The following RAF1 variants were observed in gnomAD, a reference collection of about 807,000 sequenced individuals.
RAF1 encodes the protein RAF proto-oncogene serine/threonine-protein kinase.
RAF1 carries 27 observed loss-of-function variants against 81.1 expected under a neutral mutation model. The observed-to-expected ratio is 0.33, with a 90% confidence interval of 0.25 to 0.46. RAF1 has a LOEUF of 0.46. Among genes scored for constraint, RAF1 ranks in the 20% least tolerant of loss-of-function variants. RAF1 has a pLI of 1.00. For synonymous variants in RAF1, 298 were observed against 294.0 expected, an observed-to-expected ratio of 1.01 and a Z score of -0.14; for missense variants, 598 against 826.0, an observed-to-expected ratio of 0.72 and a Z score of 3.38.
intron 6 of RAF1, 73 bp from the exon 7 acceptor site, chr3:12,604,362 TGA>T (rs2058961611): frequency 6.6e-7 from 1 of 1,514,828 alleles, no homozygotes. Context: ...AGTACATATT[TGA>T]CTAAGTAAGA....
rs543294665 is a variant in RAF1, at chr3:12,612,939, T to C, written c.208-877A>G. Among the ~76,000 whole-genome samples the C allele has an allele frequency of 2.6e-5, 4 of 152,306 alleles. No homozygotes were observed. The South Asian group carries it at 8.3e-4, about 32-fold the overall frequency. On this transcript the variant is annotated intron_variant, in intron 2 of 17. Coordinates refer to ENST00000442415, the MANE Select transcript of RAF1 (RefSeq NM_001354689.3). ...AACCTCTTTCAACAAAAATGACTGA[T>C]GATTCTAACAAAAATTCCATCTCAC...
chr3:12,641,449 T>C (rs919483153), intron 1 of RAF1, among the ~76,000 whole-genome samples: 14 of 150,198 alleles, frequency 9.3e-5, no homozygotes, highest in East Asian at 1.9e-4. Context: ...AATTTCCAAA[T>C]ATTTGGTGGA....
chr3:12,634,542 C>G (rs766927488), intron 1 of RAF1, among the ~76,000 whole-genome samples: 6 of 152,178 alleles, frequency 3.9e-5, no homozygotes, highest in Admixed American at 2.6e-4. Flanking sequence ...AGGAAAGAAG[C>G]GAAGGAAATC....
intron 1 of RAF1, among the ~76,000 whole-genome samples, chr3:12,657,166 T>G (rs2060722085): frequency 6.6e-6 from 1 of 152,124 alleles, no homozygotes; most frequent in Admixed American, 6.6e-5. Context: ...AAACATACTA[T>G]TACTATGAGA....
chr3:12,617,878 C>CAAAAAAAA (rs1263362287), intron 2 of RAF1, among the ~76,000 whole-genome samples: 8 of 90,006 alleles, frequency 8.9e-5, no homozygotes, highest in Admixed American at 1.3e-4. Context: ...GAATCCGTCT[C>CAAAAAAAA]AAAAAAAAAA....
intron 6 of RAF1, among the ~76,000 whole-genome samples, chr3:12,605,785 TAA>T (rs756400756): frequency 6.6e-5 from 10 of 152,254 alleles, no homozygotes; most frequent in Non-Finnish European, 1.2e-4. Context: ...CTAGTCTATT[TAA>T]ATACATGGTT....
chr3:12,657,673 A>G (rs1283529072), intron 1 of RAF1, among the ~76,000 whole-genome samples: 1 of 152,048 alleles, frequency 6.6e-6, no homozygotes, highest in African/African-American at 2.4e-5. Context: ...CAGGAGGCTG[A>G]GGCAGGAGAA....
chr3:12,631,507 G>A lies in RAF1; in HGVS notation c.-26-12760C>T, dbSNP rs577408605. On this transcript the variant is annotated intron_variant, in intron 1 of 17. Transcript: ENST00000442415. ...CCAGCTTCTCGGAAGGCTGAAGCAGGAGAATGGCATGAACCCGGGAGGCGG... is the reference window on the plus strand; with the variant it reads ...CCAGCTTCTCGGAAGGCTGAAGCAGAAGAATGGCATGAACCCGGGAGGCGG... 9.2e-5 allele frequency among the ~76,000 whole-genome samples: 14 copies of A among 152,308 alleles called. No individual in the cohort carries two copies. The South Asian group carries it at 2.9e-3, about 32-fold the overall frequency.
At chr3:12,592,532 T>C (rs2058549203) in intron 11 of RAF1, among the ~76,000 whole-genome samples, 1 of 152,150 alleles carries the variant, frequency 6.6e-6, no homozygotes. Context: ...CTGAGAAGTT[T>C]AGTCACTTGC....
At chr3:12,658,908 C>G (rs1350406496) in intron 1 of RAF1, among the ~76,000 whole-genome samples, 1 of 152,082 alleles carries the variant, frequency 6.6e-6, no homozygotes, top group Non-Finnish European at 1.5e-5. Context: ...GAAACAACAC[C>G]CACTTGACAT....
chr3:12,590,746 A>T (rs759042443), intron 13 of RAF1, 52 bp downstream of exon 12: 6 of 1,546,354 alleles, frequency 3.9e-6, no homozygotes, highest in Non-Finnish European at 4.5e-6. Flanking sequence ...GTTCCAATTT[A>T]GGGACAAATT....
intron 11 of RAF1, among the ~76,000 whole-genome samples, chr3:12,598,741 AAAAAAAAAAAAAC>A (rs1185118221): frequency 2.0e-5 from 3 of 149,498 alleles, no homozygotes; most frequent in Non-Finnish European, 4.5e-5. Context: ...AAAAAAAAAA[AAAAAAAAAAAAAC>A]CACCAAGTAC....
Position 12,604,537 on chromosome 3 carries a change from A to T in RAF1, c.681-248T>A, listed in dbSNP as rs5746209. Among the ~76,000 whole-genome samples the T allele has an allele frequency of 7.9e-5, 12 of 152,224 alleles. No homozygotes were observed. In the South Asian group the frequency reaches 2.1e-3, roughly 26 times the overall value. ...AATTCAATGAAAAGGAGAGTGCATTATAAGTTTTCTTTTTTTAAATAAAGC... is the reference window on the plus strand; with the variant it reads ...AATTCAATGAAAAGGAGAGTGCATTTTAAGTTTTCTTTTTTTAAATAAAGC... On this transcript the variant is annotated intron_variant, in intron 6 of 17. Transcript: ENST00000442415.
At chr3:12,643,543 C>G (rs1215179355) in intron 1 of RAF1, among the ~76,000 whole-genome samples, 1 of 152,018 alleles carries the variant, frequency 6.6e-6, no homozygotes, top group African/African-American at 2.4e-5. Context: ...TAGTTCAAAA[C>G]CAGCCTGGCC....
rs1553613998 is a variant in RAF1, at chr3:12,605,250, A to ATATGTGTGTGTGTGTGTG, written c.680+950_680+951insCACACACACACACACATA. On this transcript the variant is annotated intron_variant, in intron 6 of 17. Transcript: ENST00000442415. ...ATTAAACATTATCTGATTACACATT[A>ATATGTGTGTGTGTGTGTG]TGTGTGTGTGTGTGTGTGTGTGTGT... 3.6e-3 allele frequency among the ~76,000 whole-genome samples: 522 copies of ATATGTGTGTGTGTGTGTG among 144,612 alleles called. 5 individuals carry two copies. The highest frequency in any genetic ancestry group is 0.012 in the African/African-American group (458 of 38,776). 94.9% of individuals were successfully genotyped at this position (144,612 alleles called of 152,430 possible). A position where few individuals can be genotyped will look rare whatever the true frequency, so the allele number is the denominator to read the frequency against.
chr3:12,644,228 G>T (rs895392913), intron 1 of RAF1, among the ~76,000 whole-genome samples: 3 of 152,116 alleles, frequency 2.0e-5, no homozygotes, highest in Admixed American at 6.6e-5. Context: ...TGTACTTAGG[G>T]TATCATTTTA....
In RAF1 at chr3:12,647,592, TCAAACAAA is replaced by T. The variant is rs34420595; in HGVS notation, c.-27+16213_-27+16220del. Among the ~76,000 whole-genome samples the T allele has an allele frequency of 1.3e-3, 204 of 151,642 alleles. 1 individual carries two copies. Among genetic ancestry groups the T allele is most frequent in the Admixed American group, 2.5e-3 (38 of 15,234 alleles). ...CTGGGCAACAGAGTGAGACCCTGTC[TCAAACAAA>T]CAAACAAACAAACAAAACAAATAAA... On this transcript the variant is annotated intron_variant, in intron 1 of 17. Transcript: ENST00000442415.
intron 1 of RAF1, among the ~76,000 whole-genome samples, chr3:12,633,673 C>T (rs1408181290): frequency 1.3e-5 from 2 of 151,014 alleles, no homozygotes; most frequent in Non-Finnish European, 2.9e-5. Context: ...CAGTGGCTCA[C>T]GCCTGTAATC....
intron 1 of RAF1, among the ~76,000 whole-genome samples, chr3:12,653,785 T>C (rs140806775): frequency 2.6e-4 from 40 of 151,926 alleles, no homozygotes; most frequent in Non-Finnish European, 4.4e-4. Context: ...TTTTTCATCA[T>C]GTACAGTACA....
Sources: gnomAD v4.1 joint callset for allele counts (sites outside exome capture counted in the v4.1 genomes callset) on GRCh38, gnomAD v4.1.1 for gene constraint, MANE v1.5 for transcripts, NCBI Gene and HGNC (gene_info 2026-07-23, HGNC 2026-07-21) for gene names.